The following GSK3B variants were observed in gnomAD, a reference collection of about 807,000 sequenced individuals.
GSK3B encodes glycogen synthase kinase-3 beta.
In GSK3B, 15 loss-of-function variants were observed where a neutral mutation model predicts 56.4. The observed-to-expected ratio is 0.27, with a 90% CI of 0.18 to 0.41. The LOEUF (loss-of-function observed/expected upper bound fraction) is 0.41, where lower values mean the gene tolerates loss of function less well. Among genes scored for constraint, GSK3B ranks in the 10% least tolerant of loss-of-function variants. The pLI is 1.00. For synonymous variants in GSK3B, 181 were observed against 188.9 expected, an observed-to-expected ratio of 0.96 and a Z score of 0.34; for missense variants, 300 against 513.4, an observed-to-expected ratio of 0.58 and a Z score of 4.02.
At chr3:120,025,222 T>C (rs568764031) in intron 1 of GSK3B, among the ~76,000 whole-genome samples, 12 of 152,286 alleles carry the variant, frequency 7.9e-5, no homozygotes, top group Non-Finnish European at 8.8e-5. Context: ...TGGGTGCCTG[T>C]AACCCCAGCT....
At chr3:120,079,389 T>C (rs1261961835) in intron 1 of GSK3B, among the ~76,000 whole-genome samples, 1 of 149,732 alleles carries the variant, frequency 6.7e-6, no homozygotes, top group Non-Finnish European at 1.5e-5. Context: ...CACAAGTAGA[T>C]ACATATTAAA....
chr3:120,069,286 G>A (rs1174883460), intron 1 of GSK3B, among the ~76,000 whole-genome samples: 3 of 152,160 alleles, frequency 2.0e-5, no homozygotes, highest in African/African-American at 7.2e-5. Context: ...AAATAAAAAG[G>A]AAGGAAGAGA....
intron 1 of GSK3B, among the ~76,000 whole-genome samples, chr3:120,026,847 C>T (rs934539490): frequency 6.6e-6 from 1 of 151,926 alleles, no homozygotes; most frequent in African/African-American, 2.4e-5. Context: ...CGTGAGCCAC[C>T]GAGCCCGACC....
At chr3:119,878,047 T>C (rs2056333620) in intron 7 of GSK3B, among the ~76,000 whole-genome samples, 1 of 152,202 alleles carries the variant, frequency 6.6e-6, no homozygotes, top group Non-Finnish European at 1.5e-5. Context: ...CATAATTCTG[T>C]AACCATTCAG....
chr3:119,951,193 C>T (rs2057153293), intron 2 of GSK3B, among the ~76,000 whole-genome samples: 2 of 152,034 alleles, frequency 1.3e-5, no homozygotes, highest in South Asian at 4.2e-4. Flanking sequence ...TCAACAGAGC[C>T]CCGGAGAAAG....
chr3:120,000,160 T>TA (rs775382679), intron 2 of GSK3B, among the ~76,000 whole-genome samples: 3 of 152,278 alleles, frequency 2.0e-5, no homozygotes, highest in South Asian at 2.1e-4. Flanking sequence ...AAAATCAAGT[T>TA]AAACAATGAC....
chr3:119,879,244 G>C (rs1229863117), intron 7 of GSK3B, among the ~76,000 whole-genome samples: 2 of 152,118 alleles, frequency 1.3e-5, no homozygotes, highest in African/African-American at 4.8e-5. Flanking sequence ...GCAGTGGCGT[G>C]ATCTCAGCTC....
intron 4 of GSK3B, among the ~76,000 whole-genome samples, chr3:119,917,224 T>C (rs2056789926): frequency 1.3e-5 from 2 of 152,212 alleles, no homozygotes; most frequent in South Asian, 4.1e-4. Context: ...TTAGGTTAAT[T>C]AAAGTTAACA....
At position 119,879,254 on chromosome 3, in the gene GSK3B, C is replaced by T. The variant is rs145579239; in HGVS notation, c.814-2746G>A. Among the ~76,000 whole-genome samples, 1,258 of 152,252 alleles carry T rather than the reference C, an allele frequency of 8.3e-3. 8 individuals are homozygous for T. Among genetic ancestry groups the T allele is most frequent in the Non-Finnish European group, 0.012 (809 of 68,012 alleles). On this transcript the variant is annotated intron_variant, in intron 7 of 10. Coordinates refer to ENST00000264235, the MANE Select transcript of GSK3B (RefSeq NM_001146156.2). ...GGAGTGCAGTGGCGTGATCTCAGCT[C>T]ACTGCAAGCTCCGGCTCCTGGGCTC...
At chr3:119,880,354 T>C (rs1011285785) in intron 7 of GSK3B, among the ~76,000 whole-genome samples, 7 of 152,216 alleles carry the variant, frequency 4.6e-5, no homozygotes, top group Non-Finnish European at 1.0e-4. Context: ...GAGCTTCTTA[T>C]ATATTCTGGT....
Position 119,822,795 on chromosome 3 carries a change from C to A in GSK3B, c.*3993G>T. 1 of 228,512 alleles carries A rather than the reference C, an allele frequency of 4.4e-6. No individual in the cohort carries two copies. Among genetic ancestry groups the A allele is most frequent in the South Asian group, 1.8e-4 (1 of 5,500 alleles). 14.2% of individuals were successfully genotyped at this position (228,512 alleles called of 1,614,324 possible). ...TAACATGAACAGTAGGAATCAGATA[C>A]AATTTCAGTTGAAAAGAAAGAAAAC... On this transcript the variant is annotated 3_prime_UTR_variant, in exon 11 of 11. Coordinates refer to ENST00000264235, the MANE Select transcript of GSK3B (RefSeq NM_001146156.2).
chr3:119,929,550 T>C (rs2056922387), intron 3 of GSK3B, among the ~76,000 whole-genome samples: 1 of 152,064 alleles, frequency 6.6e-6, no homozygotes, highest in African/African-American at 2.4e-5. Context: ...GAAGGATCAC[T>C]TGAGTCCAGG....
intron 10 of GSK3B, among the ~76,000 whole-genome samples, chr3:119,829,306 T>C (rs909996593): frequency 1.6e-4 from 24 of 152,330 alleles, no homozygotes; most frequent in Admixed American, 1.2e-3. Flanking sequence ...CCCATGCTTA[T>C]TGCAGCATGT....
chr3:119,964,221 G>A (rs1203975835), intron 2 of GSK3B, among the ~76,000 whole-genome samples: 1 of 151,992 alleles, frequency 6.6e-6, no homozygotes, highest in East Asian at 1.9e-4. Flanking sequence ...ACATACATAC[G>A]ACCAACAGGC....
intron 10 of GSK3B, among the ~76,000 whole-genome samples, chr3:119,828,012 T>C (rs2055542486): frequency 6.6e-6 from 1 of 152,152 alleles, no homozygotes; most frequent in African/African-American, 2.4e-5. Flanking sequence ...AGGTGATGAA[T>C]ATCCCATTTA....
chr3:119,984,541 C>T (rs1029163041), intron 2 of GSK3B, among the ~76,000 whole-genome samples: 1 of 151,892 alleles, frequency 6.6e-6, no homozygotes, highest in Non-Finnish European at 1.5e-5. Context: ...ATATCACCAC[C>T]GATCCCACAG....
chr3:119,917,835 T>C, intron 4 of GSK3B, among the ~76,000 whole-genome samples: 1 of 152,108 alleles, frequency 6.6e-6, no homozygotes, highest in Non-Finnish European at 1.5e-5. Context: ...TGTTGTTATT[T>C]CACTTTGTAA....
intron 1 of GSK3B, among the ~76,000 whole-genome samples, chr3:120,034,435 T>C (rs2058005607): frequency 6.6e-6 from 1 of 152,186 alleles, no homozygotes; most frequent in Admixed American, 6.5e-5. Flanking sequence ...CTTCATTCAT[T>C]TGCATGCAAA....
chr3:120,017,524 T>C (rs1666024553), intron 1 of GSK3B, among the ~76,000 whole-genome samples: 1 of 152,208 alleles, frequency 6.6e-6, no homozygotes, highest in South Asian at 2.1e-4. Context: ...AATATGCAGA[T>C]ATCTGCACTC....
Sources: gnomAD v4.1 joint callset for allele counts (sites outside exome capture counted in the v4.1 genomes callset) on GRCh38, gnomAD v4.1.1 for gene constraint, MANE v1.5 for transcripts, NCBI Gene and HGNC (gene_info 2026-07-23, HGNC 2026-07-21) for gene names.